CNIH3: variants seen among roughly 807,000 people sequenced by gnomAD.
CNIH3 encodes the protein cornichon family AMPA receptor auxiliary protein 3.
In CNIH3, 14 loss-of-function variants were observed where a neutral mutation model predicts 24.1. The observed-to-expected ratio is 0.58, with a 90% CI of 0.38 to 0.91. CNIH3 has a LOEUF of 0.91. CNIH3 is among the 40% of genes least tolerant of loss of function. The pLI is 0.00. For synonymous variants in CNIH3, 68 were observed against 73.8 expected (o/e 0.92, Z 0.40); for missense variants, 178 against 196.8 (o/e 0.90, Z 0.57).
At chr1:224,463,578 G>A (rs1352323078) in intron 1 of CNIH3, among the ~76,000 whole-genome samples, 1 of 150,302 alleles carries the variant, frequency 6.7e-6, no homozygotes, top group Non-Finnish European at 1.5e-5. Context: ...GGCTAATTTT[G>A]TATTTTTTAA....
chr1:224,515,495 C>A (rs1266342966), upstream of CNIH3, among the ~76,000 whole-genome samples: 1 of 152,212 alleles, frequency 6.6e-6, no homozygotes, highest in Non-Finnish European at 1.5e-5. Context: ...GTTTCAAAGA[C>A]TCTTTTGGTA....
At chr1:224,488,761 C>T (rs1677130548) in intron 1 of CNIH3, among the ~76,000 whole-genome samples, 1 of 151,378 alleles carries the variant, frequency 6.6e-6, no homozygotes, top group Non-Finnish European at 1.5e-5. Flanking sequence ...AGCCATCATG[C>T]CTGGCCCCTA....
At chr1:224,506,689 G>A (rs1270212658) in intron 1 of CNIH3, among the ~76,000 whole-genome samples, 2 of 152,196 alleles carry the variant, frequency 1.3e-5, no homozygotes, top group Admixed American at 1.3e-4. Context: ...CCACCCTTGG[G>A]AAATGGAGTT....
intron 4 of CNIH3, among the ~76,000 whole-genome samples, chr1:224,734,318 G>A (rs977496155): frequency 2.6e-5 from 4 of 152,188 alleles, no homozygotes; most frequent in Non-Finnish European, 4.4e-5. Context: ...CCCTTCTGTT[G>A]GAGCAGCTTT....
chr1:224,456,509 C>T (rs1675661449), intron 1 of CNIH3, among the ~76,000 whole-genome samples: 2 of 152,198 alleles, frequency 1.3e-5, no homozygotes, highest in East Asian at 1.9e-4. Context: ...CTCCCGGGCT[C>T]GAGCCATCCT....
At chr1:224,602,754 T>C (rs1285401941) in intron 3 of CNIH3, among the ~76,000 whole-genome samples, 3 of 152,186 alleles carry the variant, frequency 2.0e-5, no homozygotes, top group African/African-American at 7.2e-5. Context: ...CAGTATATTT[T>C]TAGAGAAGTA....
exon 1 of CNIH3, chr1:224,434,703 G>GGCGGGCGGCAGCGGAGGCAGCT (rs1674560226): frequency 2.1e-6 from 2 of 953,876 alleles, no homozygotes; most frequent in East Asian, 2.3e-4. Context: ...CGGCGGCGGC[G>GGCGGGCGGCAGCGGAGGCAGCT]GCGGGCGGCA....
At chr1:224,584,489 T>C (rs908463603) in intron 5 of CNIH3, among the ~76,000 whole-genome samples, 1 of 152,200 alleles carries the variant, frequency 6.6e-6, no homozygotes, top group Non-Finnish European at 1.5e-5. Context: ...GAGTAGACAA[T>C]ATTTCACTAA....
At chr1:224,573,712 T>C (rs1680916750) in intron 4 of CNIH3, among the ~76,000 whole-genome samples, 3 of 152,200 alleles carry the variant, frequency 2.0e-5, no homozygotes, top group Admixed American at 2.0e-4. Context: ...GGAGCTTTTT[T>C]CCATGTTTGT....
intron 3 of CNIH3, among the ~76,000 whole-genome samples, chr1:224,719,597 T>C (rs1203837546): frequency 3.9e-5 from 6 of 152,182 alleles, no homozygotes; most frequent in Non-Finnish European, 8.8e-5. Flanking sequence ...TTTTAAGAGC[T>C]TCACAGATAT....
At chr1:224,475,129 C>T (rs909664436) in intron 1 of CNIH3, among the ~76,000 whole-genome samples, 10 of 148,960 alleles carry the variant, frequency 6.7e-5, no homozygotes, top group South Asian at 2.1e-4. Context: ...AAGGTAGAGG[C>T]GGGCGGATCA....
chr1:224,608,691 C>T (rs944179073), intron 3 of CNIH3, among the ~76,000 whole-genome samples: 1 of 152,198 alleles, frequency 6.6e-6, no homozygotes, highest in African/African-American at 2.4e-5. Context: ...GTTTTTACTT[C>T]TTCTTTCTTT....
At chr1:224,643,530 G>C (rs1178468463) in intron 1 of CNIH3, among the ~76,000 whole-genome samples, 1 of 152,220 alleles carries the variant, frequency 6.6e-6, no homozygotes, top group African/African-American at 2.4e-5. Flanking sequence ...GGTGGGTCTG[G>C]TGTGTGAGGA....
chr1:224,637,520 A>T (rs1352464899), intron 1 of CNIH3, among the ~76,000 whole-genome samples: 1 of 152,104 alleles, frequency 6.6e-6, no homozygotes, highest in Non-Finnish European at 1.5e-5. Flanking sequence ...CAAGATGAAG[A>T]TCGTGTATTT....
chr1:224,692,491 A>C (rs1459459293), intron 3 of CNIH3, among the ~76,000 whole-genome samples: 2 of 152,196 alleles, frequency 1.3e-5, no homozygotes, highest in Non-Finnish European at 2.9e-5. Flanking sequence ...ACGTAAACTC[A>C]AAGGCAGTTG....
intron 3 of CNIH3, among the ~76,000 whole-genome samples, chr1:224,602,239 C>A (rs985312959): frequency 1.3e-5 from 2 of 152,168 alleles, no homozygotes; most frequent in African/African-American, 2.4e-5. Context: ...GACCATAAAT[C>A]TAAAATGCAA....
At chr1:224,457,678 A>G (rs2102977350) in intron 1 of CNIH3, among the ~76,000 whole-genome samples, 1 of 152,166 alleles carries the variant, frequency 6.6e-6, no homozygotes, top group South Asian at 2.1e-4. Flanking sequence ...TCCAGTCGTA[A>G]TTTGGGGATT....
At chr1:224,628,555 C>T (rs2125074832) in intron 1 of CNIH3, among the ~76,000 whole-genome samples, 1 of 152,192 alleles carries the variant, frequency 6.6e-6, no homozygotes, top group African/African-American at 2.4e-5. Context: ...CTGTGATTGG[C>T]TTTTTTTACT....
At chr1:224,548,341 AGTGGGT>A (rs1372237576) in intron 3 of CNIH3, among the ~76,000 whole-genome samples, 3 of 152,032 alleles carry the variant, frequency 2.0e-5, no homozygotes, top group African/African-American at 7.3e-5. Context: ...TCAATATCAC[AGTGGGT>A]GTACACCCTG....
Sources: allele counts gnomAD v4.1 joint callset (sites outside exome capture counted in the v4.1 genomes callset), GRCh38; gene constraint gnomAD v4.1.1; transcripts MANE v1.5; gene names NCBI Gene and HGNC (gene_info 2026-07-23, HGNC 2026-07-21).